REV3L: variants seen among roughly 807,000 people sequenced by gnomAD.
REV3L encodes DNA polymerase zeta catalytic subunit.
Under a neutral mutation model 299.4 loss-of-function variants are expected in REV3L, and 69 were observed. That is an observed-to-expected ratio of 0.23 (90% confidence interval 0.19 to 0.28). REV3L has a LOEUF of 0.28. REV3L is among the 10% of genes least tolerant of loss of function. REV3L has a pLI of 1.00. For synonymous variants in REV3L, 1,238 were observed against 1,271.4 expected, an observed-to-expected ratio of 0.97 and a Z score of 0.56; for missense variants, 3,128 against 3,693.8, an observed-to-expected ratio of 0.85 and a Z score of 3.97.
At chr6:111,336,892 A>G (rs1461977467) in intron 21 of REV3L, among the ~76,000 whole-genome samples, 1 of 152,240 alleles carries the variant, frequency 6.6e-6, no homozygotes, top group Non-Finnish European at 1.5e-5. Flanking sequence ...GGACAGCATT[A>G]TGCTAAAAGA....
rs764272246 is a variant in REV3L at position 111,375,240 on chromosome 6, G to A, written c.3115C>T (p.Pro1039Ser). The change falls in exon 13 of 32, where the codon CCA (proline) becomes TCA (serine). Residue 1039 changes from proline to serine, a missense_variant. Pro to Ser is a moderately conservative substitution (Grantham distance 74). This residue lies in a region of REV3L where 2,409 missense variants were observed against 2,611.8 expected (regional missense o/e 0.92). Coordinates refer to ENST00000368802, the MANE Select transcript of REV3L (RefSeq NM_001372078.1). ...CTGTGACTTTTCTTTGGTGTTAGTGGATAAATGGGATATTTGGTTGCAGGG... is the reference window on the plus strand; with the variant it reads ...CTGTGACTTTTCTTTGGTGTTAGTGAATAAATGGGATATTTGGTTGCAGGG... ...DSPATKYPIY[P>S]LTPKKSHRRK... is the part of the protein sequence containing the mutation. 1 of 1,612,004 alleles carries A rather than the reference G, an allele frequency of 6.2e-7. No individual in the cohort carries two copies. The highest frequency in any genetic ancestry group is 1.3e-5 in the African/African-American group (1 of 74,756).
intron 1 of REV3L, among the ~76,000 whole-genome samples, chr6:111,434,740 ACC>A (rs1334191447): frequency 1.3e-5 from 2 of 152,180 alleles, no homozygotes; most frequent in Non-Finnish European, 2.9e-5. Context: ...CAAGAAAGCA[ACC>A]CCACTTACAA....
At chr6:111,339,131 C>A (rs1287696056) in intron 21 of REV3L, among the ~76,000 whole-genome samples, 1 of 152,100 alleles carries the variant, frequency 6.6e-6, no homozygotes, top group African/African-American at 2.4e-5. Context: ...ACTATTTCCC[C>A]ATTTCATTCA....
At chr6:111,428,994 T>C (rs1786521023) in intron 1 of REV3L, among the ~76,000 whole-genome samples, 2 of 151,998 alleles carry the variant, frequency 1.3e-5, no homozygotes, top group African/African-American at 4.8e-5. Context: ...AGAAAAGAAG[T>C]AAATGATGTA....
chr6:111,422,612 A>ATATATTTCC, intron 1 of REV3L, among the ~76,000 whole-genome samples: 1 of 9,702 alleles, frequency 1.0e-4, no homozygotes, highest in African/African-American at 4.9e-4. Context: ...ATATATATAT[A>ATATATTTCC]CACATATATA....
intron 9 of REV3L, among the ~76,000 whole-genome samples, chr6:111,381,782 A>G (rs1780855956): frequency 6.6e-6 from 1 of 152,196 alleles, no homozygotes; most frequent in Non-Finnish European, 1.5e-5. Context: ...TTTGAATACT[A>G]AAATTCTTTA....
chr6:111,480,426 T>C (rs1261078882), intron 1 of REV3L, among the ~76,000 whole-genome samples: 3 of 152,190 alleles, frequency 2.0e-5, no homozygotes. Context: ...ATATTAATAA[T>C]TTTCAAGTTT....
chr6:111,482,458 C>A (rs1243852672), intron 1 of REV3L, among the ~76,000 whole-genome samples: 1 of 152,054 alleles, frequency 6.6e-6, no homozygotes, highest in Non-Finnish European at 1.5e-5. Flanking sequence ...TCCCGGCCCG[C>A]GCCCTGGAGT....
At chr6:111,380,705 C>G (rs1487723444) in intron 10 of REV3L, among the ~76,000 whole-genome samples, 6 of 152,258 alleles carry the variant, frequency 3.9e-5, no homozygotes, top group Admixed American at 1.3e-4. Context: ...GGACCACCTG[C>G]ATTAGAGTAA....
intron 1 of REV3L, chr6:111,460,216 T>C (rs1285827570): frequency 6.6e-6 from 1 of 151,876 alleles, no homozygotes; most frequent in East Asian, 1.9e-4. Flanking sequence ...AGCCAAACCA[T>C]GAGTACATAT....
In REV3L at chr6:111,447,388, A is replaced by C. The variant is rs896313592; in HGVS notation, c.140-30916T>G. Among the ~76,000 whole-genome samples, 48 of 152,320 alleles carry C rather than the reference A, an allele frequency of 3.2e-4. 1 individual carries two copies. Among genetic ancestry groups the C allele is most frequent in the South Asian group, 2.1e-4 (1 of 4,824 alleles). The stretch of plus-strand genomic sequence containing the variant: ...CTAGAAATTAATAAAGAGACAAAAC[A>C]AACCTGTGGTCTTTATGAGCAAATA... On this transcript the variant is annotated intron_variant, in intron 1 of 31. Coordinates refer to ENST00000368802, the MANE Select transcript of REV3L (RefSeq NM_001372078.1).
intron 1 of REV3L, among the ~76,000 whole-genome samples, 156 bp downstream of exon 1, chr6:111,482,594 G>A (rs74510204): frequency 0.1 from 15,930 of 151,726 alleles, 1,114 homozygotes; most frequent in Middle Eastern, 0.21. Flanking sequence ...TGTCACGCAC[G>A]AGAGAAAAGG....
rs776531853 is a variant in REV3L at position 111,373,570 on chromosome 6, G to A, written c.4785C>T (p.Ile1595=). The A allele has an allele frequency of 6.2e-7, 1 of 1,613,840 alleles. No individual in the cohort carries two copies. Among genetic ancestry groups the A allele is most frequent in the East Asian group, 2.2e-5 (1 of 44,876 alleles). Residue 1595 remains isoleucine (I), a synonymous_variant, in exon 13 of 32, where the codon ATC becomes ATT. Coordinates refer to ENST00000368802, the MANE Select transcript of REV3L (RefSeq NM_001372078.1). ...TPRSTKQKEK[I]PKLLKVDSLN... is the part of the protein sequence containing the mutation. ...AAGAGTCTACTTTGAGAAGTTTGGG[G>A]ATTTTTTCTTTTTGTTTTGTACTTC...
At chr6:111,433,850 TCAC>T (rs1385057865) in intron 1 of REV3L, among the ~76,000 whole-genome samples, 1 of 152,118 alleles carries the variant, frequency 6.6e-6, no homozygotes, top group Non-Finnish European at 1.5e-5. Context: ...GAAAGATCAT[TCAC>T]CACGATCAAG....
chr6:111,445,033 A>T (rs189581154), intron 1 of REV3L, among the ~76,000 whole-genome samples: 1 of 152,368 alleles, frequency 6.6e-6, no homozygotes, highest in African/African-American at 2.4e-5. Flanking sequence ...CGTTTTCAAG[A>T]ATCAACTACA....
Position 111,405,666 on chromosome 6 carries a change from T to C in REV3L, c.405-36A>G, listed in dbSNP as rs1783542566. On this transcript the variant is annotated intron_variant, in intron 3 of 31. Coordinates refer to ENST00000368802, the MANE Select transcript of REV3L (RefSeq NM_001372078.1). ...AAAAAAAAGTTTTATCATAAAATTA[T>C]GTTCCCTAAAATGTTAAATGAAACA... The C allele has an allele frequency of 2.2e-6, 3 of 1,391,548 alleles. No individual in the cohort carries two copies. The South Asian group carries it at 3.8e-5, about 18-fold the overall frequency. The allele number at this position is 1,391,548 out of a possible 1,614,324, so 86.2% of individuals were successfully genotyped here.
chr6:111,455,127 G>A (rs1341989686), intron 1 of REV3L, among the ~76,000 whole-genome samples: 1 of 152,116 alleles, frequency 6.6e-6, no homozygotes, highest in Non-Finnish European at 1.5e-5. Context: ...GCTTTAACAG[G>A]GATACAAAGT....
chr6:111,404,229 A>G (rs1440219123), intron 4 of REV3L, among the ~76,000 whole-genome samples: 14 of 152,202 alleles, frequency 9.2e-5, no homozygotes, highest in Admixed American at 7.9e-4. Flanking sequence ...CCTGTGTTCT[A>G]TAAGTGGATC....
rs1213887787 is a variant in REV3L at position 111,310,099 on chromosome 6, C to A, written c.8796G>T (p.Arg2932Ser). ...AGCGCCGGTCATAAGTCAGCATTTT[C>A]CTATTCGAATTCAAAGAAAAAAACC... The part of the protein sequence containing the change: ...GACVPALELT[R>S]KMLTYDRRSE... Residue 2932 changes from arginine (R) to serine (S), a missense_variant and splice_region_variant, in exon 30 of 32, where the codon AGG (arginine) becomes AGT (serine). Physicochemically the swap from Arg to Ser is moderately radical, Grantham distance 110. Around this residue, in one of 9 missense-constraint regions of REV3L, gnomAD observed 294 missense variants for 377.0 expected, o/e 0.78. Coordinates refer to ENST00000368802, the MANE Select transcript of REV3L (RefSeq NM_001372078.1). The A allele has an allele frequency of 6.7e-7, 1 of 1,503,134 alleles. No homozygotes were observed. The highest frequency in any genetic ancestry group is 2.3e-5 in the Admixed American group (1 of 43,768). The allele number at this position is 1,503,134 out of a possible 1,614,324, so 93.1% of individuals were successfully genotyped here. A position where few individuals can be genotyped will look rare whatever the true frequency, so the allele number is the denominator to read the frequency against.
Sources: allele counts gnomAD v4.1 joint callset (sites outside exome capture counted in the v4.1 genomes callset), GRCh38; gene constraint gnomAD v4.1.1; regional missense constraint gnomAD v4.1.1; transcripts MANE v1.5; gene names NCBI Gene and HGNC (gene_info 2026-07-23, HGNC 2026-07-21).